Variants in KIRREL3 observed in about 807,000 individuals in gnomAD.
KIRREL3 encodes kin of IRRE-like protein 3.
KIRREL3 carries 36 observed loss-of-function variants against 89.7 expected under a neutral mutation model. That is an observed-to-expected ratio of 0.40 (90% CI 0.31 to 0.53). The LOEUF is 0.53. Ranked by LOEUF, KIRREL3 falls within the 20% of genes least tolerant of loss-of-function variation. The pLI is 0.49. For missense variants in KIRREL3, 864 were observed against 1,056.6 expected (o/e 0.82, Z 2.53); for synonymous variants, 445 against 441.4 (o/e 1.01, Z -0.10).
chr11:126,646,308 T>C (rs1944667458), intron 1 of KIRREL3, among the ~76,000 whole-genome samples: 1 of 74 alleles, frequency 0.014, no homozygotes, highest in South Asian at 0.25. Context: ...TTATTTATTT[T>C]GTTCTTGTTA....
At chr11:126,854,603 T>C (rs1783599271) in intron 1 of KIRREL3, among the ~76,000 whole-genome samples, 1 of 152,254 alleles carries the variant, frequency 6.6e-6, no homozygotes, top group African/African-American at 2.4e-5. Context: ...ATAGACCACA[T>C]TTTGTTTATC....
At chr11:126,832,595 G>A (rs925558030) in intron 1 of KIRREL3, among the ~76,000 whole-genome samples, 2 of 152,156 alleles carry the variant, frequency 1.3e-5, no homozygotes, top group African/African-American at 2.4e-5. Context: ...GCCAGATCGC[G>A]AGATAAGCTT....
intron 1 of KIRREL3, among the ~76,000 whole-genome samples, chr11:126,923,269 C>T (rs35888321): frequency 0.24 from 5,526 of 22,612 alleles, 1,380 homozygotes; most frequent in African/African-American, 0.48. Context: ...TTCTTCTTCT[C>T]CTTCTCCTTC....
intron 4 of KIRREL3, among the ~76,000 whole-genome samples, chr11:126,506,925 A>G (rs929502222): frequency 6.6e-6 from 1 of 152,164 alleles, no homozygotes; most frequent in African/African-American, 2.4e-5. Flanking sequence ...ACACCTGGCC[A>G]GCAGCATTCT....
intron 1 of KIRREL3, among the ~76,000 whole-genome samples, chr11:126,701,361 TCA>T (rs758126051): frequency 2.0e-5 from 3 of 152,070 alleles, no homozygotes; most frequent in Non-Finnish European, 2.9e-5. Flanking sequence ...CTGGATTCTC[TCA>T]GTCTTGGTGA....
chr11:126,549,019 G>T (rs1207797373), intron 2 of KIRREL3, among the ~76,000 whole-genome samples: 1 of 152,156 alleles, frequency 6.6e-6, no homozygotes, highest in African/African-American at 2.4e-5. Flanking sequence ...GGTTAGTGTT[G>T]TGTTTTGAGA....
At position 126,904,979 on chromosome 11, in the gene KIRREL3, T is replaced by TA. The variant is rs527750569; in HGVS notation, c.55+95475dup. On this transcript the variant is annotated intron_variant, in intron 1 of 16. Coordinates refer to ENST00000525144, the MANE Select transcript of KIRREL3 (RefSeq NM_032531.4). This position sits in a 1 kb window ranked among gnomAD's most constrained non-coding sequence, Gnocchi z 4.4. ...ATGATGATGATACAGAAATAGTGTG[T>TA]AAAAAAATTCATCTTCAGATGGGTA... is the stretch of plus-strand genomic sequence containing the variant. Among the ~76,000 whole-genome samples, 1 of 152,038 alleles carries TA rather than the reference T, an allele frequency of 6.6e-6. No homozygotes were observed. Among genetic ancestry groups the TA allele is most frequent in the African/African-American group, 2.4e-5 (1 of 41,390 alleles).
intron 1 of KIRREL3, among the ~76,000 whole-genome samples, chr11:126,920,993 G>A (rs1947252473): frequency 6.6e-6 from 1 of 152,212 alleles, no homozygotes; most frequent in African/African-American, 2.4e-5. Context: ...CTGTGTGAGT[G>A]TTTCAGGAAG....
chr11:126,817,503 T>A lies in KIRREL3; in HGVS notation c.55+182952A>T, dbSNP rs138653926. On this transcript the variant is annotated intron_variant, in intron 1 of 16. Coordinates refer to ENST00000525144, the MANE Select transcript of KIRREL3 (RefSeq NM_032531.4). The surrounding 1 kb of genome is among the most constrained non-coding windows in gnomAD (Gnocchi z 5.7). ...TCTACCTTCCCATTTCTCCCACCAATCAGGCATTAGCATCCCCAGTCCTCT... is the reference window on the plus strand; with the variant it reads ...TCTACCTTCCCATTTCTCCCACCAAACAGGCATTAGCATCCCCAGTCCTCT... 6.6e-6 allele frequency among the ~76,000 whole-genome samples: 1 copy of A among 152,296 alleles called. No individual in the cohort carries two copies. Among genetic ancestry groups the A allele is most frequent in the African/African-American group, 2.4e-5 (1 of 41,572 alleles).
chr11:126,772,267 G>A lies in KIRREL3; in HGVS notation c.56-209355C>T, dbSNP rs560996760. On this transcript the variant is annotated intron_variant, in intron 1 of 16. Coordinates refer to ENST00000525144, the MANE Select transcript of KIRREL3 (RefSeq NM_032531.4). The surrounding 1 kb of genome is among the most constrained non-coding windows in gnomAD (Gnocchi z 4.6). ...AGATTTGGATAGGGGAATTGAGGAA[G>A]AATGTCAATATTTTTTGGGTCAATG... Among the ~76,000 whole-genome samples the A allele has an allele frequency of 3.6e-4, 55 of 152,300 alleles. No homozygotes were observed. The South Asian group carries it at 0.011, about 30-fold the overall frequency.
intron 1 of KIRREL3, among the ~76,000 whole-genome samples, chr11:126,794,537 G>A (rs1297664696): frequency 2.6e-5 from 4 of 152,168 alleles, no homozygotes; most frequent in Non-Finnish European, 4.4e-5. Context: ...GAGAATATAG[G>A]GAACATGTCC....
intron 1 of KIRREL3, among the ~76,000 whole-genome samples, chr11:126,714,695 G>T (rs1032549327): frequency 3.3e-5 from 5 of 152,152 alleles, no homozygotes; most frequent in Admixed American, 1.3e-4. Flanking sequence ...GTATCTACAT[G>T]ATGATGAATC....
intron 1 of KIRREL3, among the ~76,000 whole-genome samples, chr11:126,638,469 A>C (rs572387753): frequency 8.3e-4 from 127 of 152,322 alleles, no homozygotes; most frequent in Non-Finnish European, 1.5e-3. Context: ...TGTGTTCTAT[A>C]CTGAGTCTGG....
At chr11:126,934,577 G>A (rs927737617) in intron 1 of KIRREL3, among the ~76,000 whole-genome samples, 1 of 152,002 alleles carries the variant, frequency 6.6e-6, no homozygotes, top group African/African-American at 2.4e-5. Context: ...AGAACGTATA[G>A]GAAACTCTTA....
At chr11:126,848,004 C>A (rs1944206175) in intron 1 of KIRREL3, among the ~76,000 whole-genome samples, 1 of 152,082 alleles carries the variant, frequency 6.6e-6, no homozygotes, top group Non-Finnish European at 1.5e-5. Flanking sequence ...CCAATAAAAG[C>A]CCCTTGGGAA....
chr11:126,613,474 A>G (rs779982514), intron 1 of KIRREL3, among the ~76,000 whole-genome samples: 1 of 152,060 alleles, frequency 6.6e-6, no homozygotes, highest in Non-Finnish European at 1.5e-5. Context: ...CTCTGCAATC[A>G]TTTGATTGAT....
At chr11:126,673,553 T>G (rs1360923331) in intron 1 of KIRREL3, among the ~76,000 whole-genome samples, 1 of 152,208 alleles carries the variant, frequency 6.6e-6, no homozygotes, top group Non-Finnish European at 1.5e-5. Flanking sequence ...CTTCTTACCA[T>G]GTTTCCAAAA....
chr11:126,677,173 A>T lies in KIRREL3; in HGVS notation c.56-114261T>A, dbSNP rs1385388357. Among the ~76,000 whole-genome samples the T allele has an allele frequency of 6.6e-6, 1 of 152,022 alleles. No homozygotes were observed. Among genetic ancestry groups the T allele is most frequent in the Non-Finnish European group, 1.5e-5 (1 of 67,994 alleles). On this transcript the variant is annotated intron_variant, in intron 1 of 16. Transcript: ENST00000525144. The surrounding 1 kb of genome is among the most constrained non-coding windows in gnomAD (Gnocchi z 5.1). Reference sequence around the variant, plus strand: ...CAACCACCACCACAGTCCATTTAGAACCTTTTAAAATCACCCCAAAGAAAC... The same window carrying T: ...CAACCACCACCACAGTCCATTTAGATCCTTTTAAAATCACCCCAAAGAAAC...
At chr11:126,714,968 C>A (rs551743171) in intron 1 of KIRREL3, among the ~76,000 whole-genome samples, 1 of 152,128 alleles carries the variant, frequency 6.6e-6, no homozygotes, top group Non-Finnish European at 1.5e-5. Flanking sequence ...CCCAGGCACC[C>A]GAGGCGTCAA....
Sources: allele counts gnomAD v4.1 joint callset (sites outside exome capture counted in the v4.1 genomes callset), GRCh38; gene constraint gnomAD v4.1.1; non-coding constraint Gnocchi (gnomAD v3.1); transcripts MANE v1.5; gene names NCBI Gene and HGNC (gene_info 2026-07-23, HGNC 2026-07-21).